Variants in NXPH1 observed in about 807,000 individuals in gnomAD.
NXPH1 encodes the protein neurexophilin-1.
A neutral mutation model predicts 23.7 loss-of-function variants in NXPH1; 5 were observed. The observed-to-expected ratio is 0.21, with a 90% CI of 0.11 to 0.44. The LOEUF (loss-of-function observed/expected upper bound fraction) is 0.44, where lower values mean the gene tolerates loss of function less well. Ranked by LOEUF, NXPH1 falls within the 20% of genes least tolerant of loss-of-function variation. NXPH1 has a pLI of 0.99. For missense variants in NXPH1, 324 were observed against 321.6 expected, an observed-to-expected ratio of 1.01 and a Z score of -0.06; for synonymous variants, 144 against 122.2, an observed-to-expected ratio of 1.18 and a Z score of -1.18.
intron 2 of NXPH1, among the ~76,000 whole-genome samples, chr7:8,523,346 C>T (rs542652477): frequency 6.6e-6 from 1 of 152,238 alleles, no homozygotes; most frequent in Admixed American, 6.5e-5. Context: ...AAGCTGGGGT[C>T]CCCCCAACCA....
rs916327445 is a variant in NXPH1, at chr7:8,599,743, T to C, written c.55-151265T>C. On this transcript the variant is annotated intron_variant, in intron 2 of 2. Coordinates refer to ENST00000405863, the MANE Select transcript of NXPH1 (RefSeq NM_152745.3). ...TGAGTGGAGCCAGTAAACAGCACCA[T>C]TACAGAGTGCTGTTTAACCACACTT... Among the ~76,000 whole-genome samples, 4 of 152,034 alleles carry C rather than the reference T, an allele frequency of 2.6e-5. No homozygotes were observed. In the South Asian group the frequency reaches 8.3e-4, roughly 32 times the overall value.
chr7:8,484,576 T>TACAAC (rs1817127721), intron 2 of NXPH1, among the ~76,000 whole-genome samples: 1 of 152,208 alleles, frequency 6.6e-6, no homozygotes, highest in Admixed American at 6.5e-5. Context: ...TTAAACTGTA[T>TACAAC]GCAACATAAC....
At chr7:8,583,054 A>C (rs1297782595) in intron 2 of NXPH1, among the ~76,000 whole-genome samples, 1 of 152,022 alleles carries the variant, frequency 6.6e-6, no homozygotes, top group African/African-American at 2.4e-5. Flanking sequence ...CTGAGTGTGC[A>C]TACACTTGGC....
intron 2 of NXPH1, among the ~76,000 whole-genome samples, chr7:8,629,900 C>A (rs372083967): frequency 1.1e-4 from 16 of 152,052 alleles, no homozygotes; most frequent in African/African-American, 2.7e-4. Flanking sequence ...GTCCTACAAC[C>A]TTTTGCCTCT....
At chr7:8,641,398 C>T (rs1198748631) in intron 2 of NXPH1, among the ~76,000 whole-genome samples, 4 of 152,030 alleles carry the variant, frequency 2.6e-5, no homozygotes, top group African/African-American at 4.8e-5. Context: ...TTTAAATTGG[C>T]CATGGTGGGA....
chr7:8,701,912 A>C (rs1381408869), intron 2 of NXPH1, among the ~76,000 whole-genome samples: 3 of 152,088 alleles, frequency 2.0e-5, no homozygotes, highest in Non-Finnish European at 4.4e-5. Flanking sequence ...AGTCTCTGAT[A>C]AGCATCTAGA....
chr7:8,668,977 G>T (rs1820824677), intron 2 of NXPH1, among the ~76,000 whole-genome samples: 1 of 151,962 alleles, frequency 6.6e-6, no homozygotes, highest in Non-Finnish European at 1.5e-5. Flanking sequence ...GGTCCTCTGG[G>T]GTTGGCCTGG....
intron 2 of NXPH1, among the ~76,000 whole-genome samples, chr7:8,662,797 G>A (rs1820698452): frequency 6.6e-6 from 1 of 151,978 alleles, no homozygotes; most frequent in South Asian, 2.1e-4. Flanking sequence ...AAAAGCCATA[G>A]TTTGTGATAT....
chr7:8,547,678 T>C (rs1818218029), intron 2 of NXPH1, among the ~76,000 whole-genome samples: 2 of 151,432 alleles, frequency 1.3e-5, no homozygotes, highest in African/African-American at 4.8e-5. Flanking sequence ...GGAGTCTCCA[T>C]TGTCTACTAT....
At chr7:8,532,124 C>A (rs375249013) in intron 2 of NXPH1, among the ~76,000 whole-genome samples, 1 of 152,078 alleles carries the variant, frequency 6.6e-6, no homozygotes, top group Non-Finnish European at 1.5e-5. Flanking sequence ...CTTTACAACC[C>A]GCTTTAGCTT....
chr7:8,680,023 A>C (rs1821026990), intron 2 of NXPH1, among the ~76,000 whole-genome samples: 1 of 152,266 alleles, frequency 6.6e-6, no homozygotes, highest in South Asian at 2.1e-4. Context: ...TACGTCTCAA[A>C]AGCTAAATCA....
chr7:8,533,381 A>G (rs957669032), intron 2 of NXPH1, among the ~76,000 whole-genome samples: 1 of 152,128 alleles, frequency 6.6e-6, no homozygotes, highest in Non-Finnish European at 1.5e-5. Context: ...ATATTCTAAA[A>G]TTAGAATCCA....
At chr7:8,668,865 C>G (rs1179065002) in intron 2 of NXPH1, among the ~76,000 whole-genome samples, 6 of 151,676 alleles carry the variant, frequency 4.0e-5, no homozygotes, top group Non-Finnish European at 8.8e-5. Flanking sequence ...CCCTGGCACT[C>G]AGGGGTCTAC....
chr7:8,606,288 T>C (rs1315542759), intron 2 of NXPH1, among the ~76,000 whole-genome samples: 1 of 152,136 alleles, frequency 6.6e-6, no homozygotes, highest in African/African-American at 2.4e-5. Flanking sequence ...AAAAAAAATA[T>C]GTTTTATGGA....
At chr7:8,495,949 G>T (rs187544880) in intron 2 of NXPH1, among the ~76,000 whole-genome samples, 1 of 152,146 alleles carries the variant, frequency 6.6e-6, no homozygotes, top group East Asian at 1.9e-4. Context: ...TTGTGGGCTT[G>T]TCATGGGTCT....
At chr7:8,515,146 A>G (rs1272321469) in intron 2 of NXPH1, among the ~76,000 whole-genome samples, 2 of 152,170 alleles carry the variant, frequency 1.3e-5, no homozygotes, top group Non-Finnish European at 2.9e-5. Flanking sequence ...TGACCTTTTA[A>G]AGGAATTTCT....
intron 2 of NXPH1, among the ~76,000 whole-genome samples, chr7:8,437,940 T>C (rs1816224044): frequency 6.6e-6 from 1 of 152,242 alleles, no homozygotes; most frequent in African/African-American, 2.4e-5. Flanking sequence ...CGTTCTTTTT[T>C]CTCCAATCTA....
rs148050962 is a variant in NXPH1 at position 8,563,874 on chromosome 7, T to C, written c.54+128107T>C. On this transcript the variant is annotated intron_variant, in intron 2 of 2. Coordinates refer to ENST00000405863, the MANE Select transcript of NXPH1 (RefSeq NM_152745.3). ...ACCCTGGAGGGAGCTTAGTTAAAAA[T>C]TGATGGGCCATTGAGATTAAAAGAG... Among the ~76,000 whole-genome samples the C allele has an allele frequency of 3.2e-4, 48 of 151,852 alleles. 1 individual carries two copies. The highest frequency in any genetic ancestry group is 3.4e-3 in the Middle Eastern group (1 of 294).
intron 2 of NXPH1, among the ~76,000 whole-genome samples, chr7:8,578,757 G>T (rs910485982): frequency 2.0e-5 from 3 of 152,172 alleles, no homozygotes; most frequent in African/African-American, 7.2e-5. Context: ...GGCATAAGTT[G>T]CTATGGAAAC....
Sources: gnomAD v4.1 joint callset for allele counts (sites outside exome capture counted in the v4.1 genomes callset) on GRCh38, gnomAD v4.1.1 for gene constraint, MANE v1.5 for transcripts, NCBI Gene and HGNC (gene_info 2026-07-23, HGNC 2026-07-21) for gene names.